The following LHFPL3 variants were observed in gnomAD, a reference collection of about 807,000 sequenced individuals.
LHFPL3 encodes LHFPL tetraspan subfamily member 3 protein.
In LHFPL3, 5 loss-of-function variants were observed where a neutral mutation model predicts 19.3. The ratio of observed to expected loss-of-function variants is 0.26; its 90% CI spans 0.14 to 0.54. The LOEUF is 0.54. LHFPL3 is among the 20% of genes least tolerant of loss of function. The pLI, the probability that LHFPL3 is intolerant of heterozygous loss-of-function variation, is 0.94. For missense variants in LHFPL3, 249 were observed against 307.4 expected, an observed-to-expected ratio of 0.81 and a Z score of 1.42; for synonymous variants, 133 against 126.2, an observed-to-expected ratio of 1.05 and a Z score of -0.36.
At chr7:104,496,888 G>A (rs184951965) in intron 1 of LHFPL3, among the ~76,000 whole-genome samples, 1 of 152,228 alleles carries the variant, frequency 6.6e-6, no homozygotes, top group East Asian at 1.9e-4. Flanking sequence ...AAAACTTGGA[G>A]GAATTTTAGT....
intron 1 of LHFPL3, among the ~76,000 whole-genome samples, chr7:104,471,770 T>G (rs1302388555): frequency 6.6e-6 from 1 of 152,216 alleles, no homozygotes; most frequent in Non-Finnish European, 1.5e-5. Flanking sequence ...TATTTTCCGT[T>G]TGGATTCATA....
intron 2 of LHFPL3, among the ~76,000 whole-genome samples, chr7:104,833,387 TAGG>T (rs1791027987): frequency 2.2e-4 from 1 of 4,622 alleles, no homozygotes; most frequent in Admixed American, 5.5e-3. Context: ...ATATATATAA[TAGG>T]ATATATATAT....
In LHFPL3 at chr7:104,657,515, A is replaced by G. The variant is rs573948824; in HGVS notation, c.446-79160A>G. On this transcript the variant is annotated intron_variant, in intron 1 of 2. Transcript: ENST00000424859. ...AATAGCTGCCATTTCTTTAATGCCT[A>G]ATATGTGTAGAGATTGAATCCTCAC... Among the ~76,000 whole-genome samples the G allele has an allele frequency of 2.6e-5, 4 of 152,362 alleles. No individual in the cohort carries two copies. The East Asian group carries it at 7.7e-4, about 29-fold the overall frequency.
intron 2 of LHFPL3, among the ~76,000 whole-genome samples, chr7:104,857,668 C>T (rs1222611849): frequency 6.8e-6 from 1 of 147,020 alleles, no homozygotes; most frequent in Non-Finnish European, 1.5e-5. Flanking sequence ...CAACCAAAAC[C>T]ACTCCTGGGG....
chr7:104,730,887 T>C (rs1410278804), intron 1 of LHFPL3, among the ~76,000 whole-genome samples: 3 of 152,348 alleles, frequency 2.0e-5, no homozygotes, highest in East Asian at 1.9e-4. Flanking sequence ...AGGTCTAACA[T>C]GTAAGTCTTT....
At chr7:104,495,478 G>A (rs1374885028) in intron 1 of LHFPL3, among the ~76,000 whole-genome samples, 1 of 152,148 alleles carries the variant, frequency 6.6e-6, no homozygotes, top group African/African-American at 2.4e-5. Context: ...CCACCTTCCG[G>A]GTTCACGCCA....
At chr7:104,361,696 C>A (rs1248495024) in intron 1 of LHFPL3, among the ~76,000 whole-genome samples, 2 of 152,102 alleles carry the variant, frequency 1.3e-5, no homozygotes, top group African/African-American at 4.8e-5. Flanking sequence ...TTCTGACTCA[C>A]AGAATAATAG....
chr7:104,597,587 T>C (rs1790888437), intron 1 of LHFPL3, among the ~76,000 whole-genome samples: 1 of 152,204 alleles, frequency 6.6e-6, no homozygotes, highest in South Asian at 2.1e-4. Context: ...ATGTGATTTC[T>C]TTCATTGAAA....
At chr7:104,750,361 G>A (rs560783760) in intron 2 of LHFPL3, among the ~76,000 whole-genome samples, 34 of 152,194 alleles carry the variant, frequency 2.2e-4, no homozygotes, top group African/African-American at 4.3e-4. Flanking sequence ...CTTTCCTGTC[G>A]GATCAGTGCT....
intron 1 of LHFPL3, among the ~76,000 whole-genome samples, chr7:104,346,722 GTAAT>G (rs1455151230): frequency 6.6e-6 from 1 of 151,904 alleles, no homozygotes; most frequent in East Asian, 1.9e-4. Flanking sequence ...TAGAAATACT[GTAAT>G]TGGATTCTCA....
chr7:104,617,229 T>C (rs1791364019), intron 1 of LHFPL3, among the ~76,000 whole-genome samples: 1 of 152,082 alleles, frequency 6.6e-6, no homozygotes, highest in South Asian at 2.1e-4. Context: ...TGATTATGAA[T>C]CGAATATGAA....
rs76411984 is a variant in LHFPL3 at position 104,659,394 on chromosome 7, A to G, written c.446-77281A>G. Among the ~76,000 whole-genome samples, 790 of 152,314 alleles carry G rather than the reference A, an allele frequency of 5.2e-3. 45 individuals are homozygous for G. In the East Asian group the frequency reaches 0.11, roughly 22 times the overall value. ...ACCCAGGTTGCAGAGCCAAGATGGG[A>G]TCCAGACTTCCATTGTTGTTCGGTC... On this transcript the variant is annotated intron_variant, in intron 1 of 2. Transcript: ENST00000424859.
intron 1 of LHFPL3, among the ~76,000 whole-genome samples, chr7:104,355,727 C>T (rs550163488): frequency 1.8e-4 from 27 of 152,306 alleles, no homozygotes; most frequent in African/African-American, 6.5e-4. Flanking sequence ...TCCACAGACT[C>T]ATTCTCAAAA....
intron 2 of LHFPL3, among the ~76,000 whole-genome samples, chr7:104,881,475 G>A (rs1008161938): frequency 3.3e-5 from 5 of 152,182 alleles, no homozygotes; most frequent in Non-Finnish European, 7.3e-5. Flanking sequence ...GGTGGAAATA[G>A]CAAGAGAACT....
intron 2 of LHFPL3, among the ~76,000 whole-genome samples, chr7:104,778,836 G>A (rs1383223430): frequency 6.6e-6 from 1 of 152,190 alleles, no homozygotes; most frequent in Non-Finnish European, 1.5e-5. Context: ...TCTCTAAAAT[G>A]GAGATAATGA....
intron 1 of LHFPL3, among the ~76,000 whole-genome samples, chr7:104,329,521 A>C (rs898401618): frequency 1.3e-5 from 2 of 152,194 alleles, no homozygotes; most frequent in Admixed American, 6.5e-5. Flanking sequence ...GCTCAGAACT[A>C]AGGATGGTGG....
intron 1 of LHFPL3, among the ~76,000 whole-genome samples, chr7:104,589,801 G>A (rs138711731): frequency 0.031 from 4,652 of 152,216 alleles, 248 homozygotes; most frequent in African/African-American, 0.11. Context: ...CCTGTTATTG[G>A]TCTATTCAGG....
chr7:104,488,633 A>C (rs760566246), intron 1 of LHFPL3, among the ~76,000 whole-genome samples: 3 of 152,178 alleles, frequency 2.0e-5, no homozygotes, highest in Non-Finnish European at 4.4e-5. Context: ...CATTTGGTCA[A>C]GGGATAAGAG....
At chr7:104,681,783 T>C (rs1792709792) in intron 1 of LHFPL3, among the ~76,000 whole-genome samples, 1 of 152,192 alleles carries the variant, frequency 6.6e-6, no homozygotes. Context: ...CCCACAAGTA[T>C]TCTTTCAACA....
Sources: allele counts gnomAD v4.1 joint callset (sites outside exome capture counted in the v4.1 genomes callset), GRCh38; gene constraint gnomAD v4.1.1; transcripts MANE v1.5; gene names NCBI Gene and HGNC (gene_info 2026-07-23, HGNC 2026-07-21).